GALNT13: variants seen among roughly 807,000 people sequenced by gnomAD.
GALNT13 encodes polypeptide N-acetylgalactosaminyltransferase 13, also known as UDP-GalNAc:polypeptide N-acetylgalactosaminyltransferase 13.
In GALNT13, 28 loss-of-function variants were observed where a neutral mutation model predicts 64.2. The observed-to-expected ratio is 0.44, with a 90% CI of 0.32 to 0.60. GALNT13 has a LOEUF of 0.60. GALNT13 is among the 20% of genes least tolerant of loss of function. GALNT13 has a pLI of 0.05. For missense variants in GALNT13, 577 were observed against 669.8 expected, an observed-to-expected ratio of 0.86 and a Z score of 1.53; for synonymous variants, 214 against 224.6, an observed-to-expected ratio of 0.95 and a Z score of 0.42.
At chr2:153,349,355 CAACTTT>C in the GALNT13 span, among the ~76,000 whole-genome samples, 1 of 152,158 alleles carries the variant, frequency 6.6e-6, no homozygotes, top group African/African-American at 2.4e-5. Context: ...TGCAATCACT[CAACTTT>C]ATCATTTTTT....
the GALNT13 span, among the ~76,000 whole-genome samples, chr2:153,736,552 A>T: frequency 6.6e-6 from 1 of 152,190 alleles, no homozygotes. Context: ...ACCAAACTTA[A>T]GAACATGTAT....
the GALNT13 span, among the ~76,000 whole-genome samples, chr2:153,277,197 C>T: frequency 6.6e-6 from 1 of 152,172 alleles, no homozygotes; most frequent in Non-Finnish European, 1.5e-5. Context: ...TTCAATCCTT[C>T]CCCTTTCCTA....
At chr2:153,467,056 T>G in the GALNT13 span, among the ~76,000 whole-genome samples, 16 of 152,184 alleles carry the variant, frequency 1.1e-4, no homozygotes, top group African/African-American at 3.9e-4. Context: ...TATCATGAAA[T>G]AAGCTCCAAC....
At chr2:153,969,025 A>G (rs1430897193) in intron 3 of GALNT13, among the ~76,000 whole-genome samples, 2 of 151,946 alleles carry the variant, frequency 1.3e-5, no homozygotes, top group Non-Finnish European at 2.9e-5. Context: ...AATAATGAGG[A>G]TGAATTTTAA....
At chr2:153,591,194 A>G in the GALNT13 span, among the ~76,000 whole-genome samples, 1 of 152,080 alleles carries the variant, frequency 6.6e-6, no homozygotes, top group Non-Finnish European at 1.5e-5. Context: ...AAGATCAAGA[A>G]ATCAATCACA....
At chr2:153,562,635 C>G in the GALNT13 span, among the ~76,000 whole-genome samples, 3 of 151,998 alleles carry the variant, frequency 2.0e-5, no homozygotes, top group Admixed American at 2.0e-4. Context: ...GGCTTCCTCT[C>G]TAATAAATTC....
intron 4 of GALNT13, among the ~76,000 whole-genome samples, chr2:154,182,576 A>T (rs1232163151): frequency 6.6e-6 from 1 of 150,904 alleles, no homozygotes; most frequent in East Asian, 1.9e-4. Context: ...TATGTAGGTT[A>T]TAACTAATTT....
chr2:153,344,634 GTTATAA>G, the GALNT13 span, among the ~76,000 whole-genome samples: 4 of 152,118 alleles, frequency 2.6e-5, no homozygotes, highest in Non-Finnish European at 5.9e-5. Flanking sequence ...CAGTAGAAAA[GTTATAA>G]TTATACAGGA....
chr2:154,393,348 A>C (rs1698884879), intron 9 of GALNT13, among the ~76,000 whole-genome samples: 1 of 152,132 alleles, frequency 6.6e-6, no homozygotes, highest in Non-Finnish European at 1.5e-5. Context: ...AAGCTCTCAT[A>C]CTTGCTTTCC....
chr2:153,559,680 A>G, the GALNT13 span, among the ~76,000 whole-genome samples: 1 of 151,918 alleles, frequency 6.6e-6, no homozygotes, highest in African/African-American at 2.4e-5. Flanking sequence ...ATTTTTATTA[A>G]CTTTTGACCT....
the GALNT13 span, among the ~76,000 whole-genome samples, chr2:153,445,867 T>A: frequency 6.6e-6 from 1 of 152,200 alleles, no homozygotes; most frequent in Non-Finnish European, 1.5e-5. Flanking sequence ...TTCTCATCAC[T>A]ATCTTTTAAC....
intron 9 of GALNT13, among the ~76,000 whole-genome samples, chr2:154,376,385 G>A (rs1697995985): frequency 6.6e-6 from 1 of 152,032 alleles, no homozygotes; most frequent in African/African-American, 2.4e-5. Context: ...TTGTAGATGG[G>A]ATACATTTGA....
At chr2:154,456,160 T>C (rs993156922), downstream of GALNT13, among the ~76,000 whole-genome samples, 1 of 137,642 alleles carries the variant, frequency 7.3e-6, no homozygotes, top group Admixed American at 7.5e-5. Context: ...TTTTTTTTTT[T>C]TGTATTTCAG....
chr2:153,662,950 G>A, the GALNT13 span, among the ~76,000 whole-genome samples: 1 of 152,074 alleles, frequency 6.6e-6, no homozygotes, highest in Non-Finnish European at 1.5e-5. Context: ...AACTTTCCAG[G>A]CAATCCACTC....
At chr2:153,469,869 C>A in the GALNT13 span, among the ~76,000 whole-genome samples, 1 of 151,902 alleles carries the variant, frequency 6.6e-6, no homozygotes, top group African/African-American at 2.4e-5. Context: ...TGATTTTATT[C>A]TCATGAGCAA....
At chr2:153,980,974 A>C (rs2073421957) in intron 3 of GALNT13, among the ~76,000 whole-genome samples, 2 of 152,158 alleles carry the variant, frequency 1.3e-5, no homozygotes, top group African/African-American at 2.4e-5. Flanking sequence ...GCAATCTCAA[A>C]TGATATTTTA....
At chr2:154,298,528 A>ATTGTTCT (rs1693097396) in intron 8 of GALNT13, among the ~76,000 whole-genome samples, 1 of 114,352 alleles carries the variant, frequency 8.7e-6, no homozygotes, top group East Asian at 2.8e-4. Context: ...TTATATATAA[A>ATTGTTCT]ATTGTATATA....
At chr2:154,397,122 T>C (rs1166130445) in intron 10 of GALNT13, among the ~76,000 whole-genome samples, 1 of 151,946 alleles carries the variant, frequency 6.6e-6, no homozygotes, top group East Asian at 1.9e-4. Context: ...TTAATATTGG[T>C]TGTGATTAAA....
At chr2:153,479,539 A>G in the GALNT13 span, among the ~76,000 whole-genome samples, 1 of 152,130 alleles carries the variant, frequency 6.6e-6, no homozygotes, top group Non-Finnish European at 1.5e-5. Context: ...TGCCGGGAGC[A>G]GGGTCACCTC....
Sources: allele counts gnomAD v4.1 joint callset (sites outside exome capture counted in the v4.1 genomes callset), GRCh38; gene constraint gnomAD v4.1.1; transcripts MANE v1.5; gene names NCBI Gene and HGNC (gene_info 2026-07-23, HGNC 2026-07-21).